The following ATP2B2 variants were observed in gnomAD, a reference collection of about 807,000 sequenced individuals.
ATP2B2 encodes plasma membrane calcium-transporting ATPase 2.
In ATP2B2, 15 loss-of-function variants were observed where a neutral mutation model predicts 120.0. The ratio of observed to expected loss-of-function variants is 0.12; its 90% CI spans 0.08 to 0.19. The LOEUF (loss-of-function observed/expected upper bound fraction) is 0.19, where lower values mean the gene tolerates loss of function less well. ATP2B2 is among the 10% of genes least tolerant of loss of function. ATP2B2 has a pLI of 1.00. For missense variants in ATP2B2, 1,045 were observed against 1,719.8 expected (o/e 0.61, Z 6.94); for synonymous variants, 694 against 700.3 (o/e 0.99, Z 0.14).
chr3:10,536,419 CTCT>C (rs762176837), intron 2 of ATP2B2, among the ~76,000 whole-genome samples: 48 of 148,226 alleles, frequency 3.2e-4, no homozygotes, highest in South Asian at 8.6e-4. Context: ...TCTTCTGCTT[CTCT>C]TCTTCTTCTT....
intron 2 of ATP2B2, among the ~76,000 whole-genome samples, chr3:10,416,958 G>A (rs1220581121): frequency 6.6e-6 from 1 of 151,064 alleles, no homozygotes; most frequent in Non-Finnish European, 1.5e-5. Context: ...TGGGTGGCGG[G>A]GCAGAGCGGC....
chr3:10,615,668 C>A (rs1028626038), intron 2 of ATP2B2, among the ~76,000 whole-genome samples: 3 of 152,172 alleles, frequency 2.0e-5, no homozygotes, highest in African/African-American at 7.2e-5. Flanking sequence ...CATCCACATC[C>A]AACTTGCTCA....
upstream of ATP2B2, among the ~76,000 whole-genome samples, chr3:10,507,540 A>T (rs2066669529): frequency 6.6e-6 from 1 of 152,178 alleles, no homozygotes; most frequent in African/African-American, 2.4e-5. Flanking sequence ...AGAGGCGGAA[A>T]GGCCCATTGC....
intron 1 of ATP2B2, among the ~76,000 whole-genome samples, chr3:10,693,473 AG>A (rs1204470032): frequency 6.6e-6 from 1 of 152,234 alleles, no homozygotes; most frequent in Admixed American, 6.5e-5. Context: ...CATTCCAGTT[AG>A]GTGGACAGGA....
At chr3:10,339,002 G>A (rs555113690) in intron 21 of ATP2B2, 40 of 153,442 alleles carry the variant, frequency 2.6e-4, no homozygotes, top group Non-Finnish European at 5.1e-4. Context: ...CCCAGACGCA[G>A]GCCCTACAGG....
At chr3:10,643,081 A>T (rs546586296) in intron 1 of ATP2B2, among the ~76,000 whole-genome samples, 1 of 152,226 alleles carries the variant, frequency 6.6e-6, no homozygotes, top group African/African-American at 2.4e-5. Context: ...AACAACAACA[A>T]CAACAACAGC....
chr3:10,449,698 G>A lies in ATP2B2; in HGVS notation c.-155C>T. ...CGGGTCCCGGGGGGTGGGGGTGGCCGAGGCGGGCTGGTGACAGTGGTGGTG... is the reference window on the plus strand; with the variant it reads ...CGGGTCCCGGGGGGTGGGGGTGGCCAAGGCGGGCTGGTGACAGTGGTGGTG... On this transcript the variant is annotated 5_prime_UTR_variant, in exon 2 of 23. Transcript: ENST00000360273. 2.3e-6 allele frequency: 2 copies of A among 853,244 alleles called. No individual in the cohort carries two copies. Among genetic ancestry groups the A allele is most frequent in the East Asian group, 2.6e-5 (1 of 38,422 alleles). 52.9% of individuals were successfully genotyped at this position (853,244 alleles called of 1,614,324 possible).
intron 14 of ATP2B2, among the ~76,000 whole-genome samples, chr3:10,352,070 G>A (rs1191303090): frequency 6.6e-6 from 1 of 152,252 alleles, no homozygotes; most frequent in African/African-American, 2.4e-5. Flanking sequence ...GACAGCTCCT[G>A]CCTGGGGTCT....
intron 3 of ATP2B2, among the ~76,000 whole-genome samples, chr3:10,406,173 T>G (rs919137692): frequency 6.6e-6 from 1 of 152,148 alleles, no homozygotes; most frequent in South Asian, 2.1e-4. Flanking sequence ...TGGCTTTAAG[T>G]TTGGGGATGC....
intron 2 of ATP2B2, among the ~76,000 whole-genome samples, chr3:10,610,154 T>C (rs61089147): frequency 0.36 from 43,711 of 121,184 alleles, 8,422 homozygotes; most frequent in East Asian, 0.61. Flanking sequence ...TATATATATA[T>C]ATGACAGGAA....
intron 1 of ATP2B2, among the ~76,000 whole-genome samples, chr3:10,485,969 C>T (rs370038380): frequency 9.2e-5 from 14 of 152,162 alleles, no homozygotes; most frequent in East Asian, 5.8e-4. Context: ...ACTCAGCCAG[C>T]GCCATTGCGA....
At chr3:10,654,520 C>T (rs985783359) in intron 1 of ATP2B2, among the ~76,000 whole-genome samples, 16 of 152,054 alleles carry the variant, frequency 1.1e-4, no homozygotes, top group Non-Finnish European at 2.2e-4. Flanking sequence ...TGAGAGGCTG[C>T]CTGGAGGGTG....
intron 1 of ATP2B2, among the ~76,000 whole-genome samples, chr3:10,485,110 C>G (rs2065588267): frequency 1.3e-5 from 2 of 152,110 alleles, no homozygotes; most frequent in African/African-American, 4.8e-5. Context: ...AGGCAAGGGG[C>G]AGGGGACAAG....
chr3:10,655,710 A>T (rs1334558121), intron 1 of ATP2B2, among the ~76,000 whole-genome samples: 16 of 152,094 alleles, frequency 1.1e-4, no homozygotes, highest in Admixed American at 1.0e-3. Context: ...CCACTTAACC[A>T]TTTCAGAAGT....
chr3:10,345,012 T>C (rs2060390062), intron 18 of ATP2B2, among the ~76,000 whole-genome samples: 1 of 152,156 alleles, frequency 6.6e-6, no homozygotes, highest in Non-Finnish European at 1.5e-5. Flanking sequence ...CTGATCCCCC[T>C]TGGGCCCTGG....
intron 14 of ATP2B2, 60 bp downstream of exon 14, chr3:10,358,631 C>T: frequency 6.4e-7 from 1 of 1,554,038 alleles, no homozygotes; most frequent in Non-Finnish European, 8.8e-7. Flanking sequence ...CCAGGTCACC[C>T]TGGTGGCTGG....
chr3:10,480,522 T>C (rs1334939222), intron 1 of ATP2B2, among the ~76,000 whole-genome samples: 1 of 152,172 alleles, frequency 6.6e-6, no homozygotes, highest in African/African-American at 2.4e-5. Context: ...CTTTGAGAAC[T>C]GCCCCGCGCC....
rs74437380 is a variant in ATP2B2, at chr3:10,482,187, C to T, written c.-320+23278G>A. ...GAGCGCAGGCCCTGGGCTGCATTTA[C>T]GTGCTCTGTCTCATGGCATCCTCAT... On this transcript the variant is annotated intron_variant, in intron 1 of 22. Coordinates refer to ENST00000360273, the MANE Select transcript of ATP2B2 (RefSeq NM_001001331.4). 4.0e-3 allele frequency among the ~76,000 whole-genome samples: 604 copies of T among 152,324 alleles called. 1 individual carries two copies. Among genetic ancestry groups the T allele is most frequent in the Non-Finnish European group, 6.9e-3 (466 of 68,026 alleles).
chr3:10,673,776 T>C (rs1346711364), intron 1 of ATP2B2, among the ~76,000 whole-genome samples: 1 of 119,800 alleles, frequency 8.3e-6, no homozygotes, highest in Non-Finnish European at 1.6e-5. Context: ...CACCGCACTC[T>C]AGCGTGGGTG....
Sources: allele counts gnomAD v4.1 joint callset (sites outside exome capture counted in the v4.1 genomes callset), GRCh38; gene constraint gnomAD v4.1.1; transcripts MANE v1.5; gene names NCBI Gene and HGNC (gene_info 2026-07-23, HGNC 2026-07-21).